The following CMYA5 variants were observed in gnomAD, a reference collection of about 807,000 sequenced individuals.
The protein encoded by CMYA5 is cardiomyopathy associated 5.
A neutral mutation model predicts 318.9 loss-of-function variants in CMYA5; 246 were observed. That is an observed-to-expected ratio of 0.77 (90% CI 0.70 to 0.86). The LOEUF is 0.86. Ranked by LOEUF, CMYA5 falls within the 40% of genes least tolerant of loss-of-function variation. The pLI is 0.00. For synonymous variants in CMYA5, 1,641 were observed against 1,729.5 expected (o/e 0.95, Z 1.27); for missense variants, 4,589 against 4,678.2 (o/e 0.98, Z 0.56).
In CMYA5 at chr5:79,743,899, G is replaced by T. The variant is rs367560528; in HGVS notation, c.10711G>T (p.Glu3571Ter). 1.4e-5 allele frequency: 22 copies of T among 1,540,694 alleles called. 1 individual carries two copies. Among genetic ancestry groups the T allele is most frequent in the Middle Eastern group, 1.7e-4 (1 of 5,952 alleles). Residue 3571 changes from glutamate to a stop codon, truncating the protein, a stop_gained, in exon 3 of 13, where the codon GAA becomes TAA. Coordinates refer to ENST00000446378, the MANE Select transcript of CMYA5 (RefSeq NM_153610.5). LOFTEE classifies it high-confidence loss of function. ...LRIEAFVSEI[E>*]SFFNTIEENC... is the part of the protein sequence containing the mutation. ...GATTGAAGCCTTTGTTAGTGAGATA[G>T]AATCCTTTTTTAATACCATTGAGGT...
chr5:79,729,156 G>C lies in CMYA5; in HGVS notation c.391G>C (p.Val131Leu). 1 of 1,612,644 alleles carries C rather than the reference G, an allele frequency of 6.2e-7. No homozygotes were observed. Among genetic ancestry groups the C allele is most frequent in the Non-Finnish European group, 8.5e-7 (1 of 1,179,422 alleles). The change falls in exon 2 of 13, where the codon GTT becomes CTT. Residue 131 changes from valine (V) to leucine (L), a missense_variant. This residue lies in a region of CMYA5 where 2,132 missense variants were observed against 2,131.3 expected (regional missense o/e 1.00). Transcript: ENST00000446378. ...CTTTATTGTGGATGAAGTGAAAAAG[G>C]TTCGGAAAAGGACTCATAAGTCAAA... ...VSFIVDEVKK[V>L]RKRTHKSKHG... is the part of the protein sequence containing the mutation.
intron 1 of CMYA5, among the ~76,000 whole-genome samples, chr5:79,721,513 T>G (rs1339365997): frequency 6.6e-6 from 1 of 152,184 alleles, no homozygotes; most frequent in Non-Finnish European, 1.5e-5. Context: ...TCAGAATGGA[T>G]TTTTTAAAAA....
At chr5:79,712,801 GA>G (rs1020784600) in intron 1 of CMYA5, among the ~76,000 whole-genome samples, 10 of 151,728 alleles carry the variant, frequency 6.6e-5, no homozygotes. Flanking sequence ...ATTGTATTAG[GA>G]AAAAAAAGTC....
chr5:79,704,988 C>T (rs1044194893), intron 1 of CMYA5, among the ~76,000 whole-genome samples: 3 of 152,194 alleles, frequency 2.0e-5, no homozygotes, highest in Non-Finnish European at 4.4e-5. Flanking sequence ...ACATTTTTCT[C>T]CTGGCTTGGC....
At chr5:79,701,846 G>C (rs1366110612) in intron 1 of CMYA5, among the ~76,000 whole-genome samples, 1 of 152,190 alleles carries the variant, frequency 6.6e-6, no homozygotes, top group Non-Finnish European at 1.5e-5. Flanking sequence ...GAGATAAAGA[G>C]GCCAGGCGTG....
At chr5:79,767,075 T>C (rs181795556) in intron 9 of CMYA5, among the ~76,000 whole-genome samples, 1 of 152,344 alleles carries the variant, frequency 6.6e-6, no homozygotes, top group Admixed American at 6.5e-5. Flanking sequence ...TCTTCTACAT[T>C]TTCAAGTTTA....
rs1322494047 is a variant in CMYA5 at position 79,720,427 on chromosome 5, AATTTTTTT to A, written c.150-8487_150-8480del. 1.9e-3 allele frequency among the ~76,000 whole-genome samples: 259 copies of A among 136,836 alleles called. 5 individuals are homozygous for A. The highest frequency in any genetic ancestry group is 6.7e-3 in the African/African-American group (230 of 34,404). 89.8% of individuals were successfully genotyped at this position (136,836 alleles called of 152,430 possible). A position where few individuals can be genotyped will look rare whatever the true frequency, so the allele number is the denominator to read the frequency against. ...CTAAGATAAAAATAACTGCCAATCTAATTTTTTTTTTTTTTTTTTTTTTTTTGAGAAGG... is the reference window on the plus strand; with the variant it reads ...CTAAGATAAAAATAACTGCCAATCTATTTTTTTTTTTTTTTTTTGAGAAGG... On this transcript the variant is annotated intron_variant, in intron 1 of 12. Transcript: ENST00000446378.
At chr5:79,767,265 C>A (rs1828772392) in intron 9 of CMYA5, among the ~76,000 whole-genome samples, 1 of 152,060 alleles carries the variant, frequency 6.6e-6, no homozygotes, top group African/African-American at 2.4e-5. Flanking sequence ...CCTGGATTCA[C>A]TGATTTTTTG....
At chr5:79,761,214 T>A (rs947746740) in intron 7 of CMYA5, among the ~76,000 whole-genome samples, 1 of 152,238 alleles carries the variant, frequency 6.6e-6, no homozygotes, top group African/African-American at 2.4e-5. Context: ...AATGTCTTAA[T>A]TGGACAAAGT....
chr5:79,693,273 G>A (rs1009797365), intron 1 of CMYA5, among the ~76,000 whole-genome samples: 2 of 151,896 alleles, frequency 1.3e-5, no homozygotes, highest in African/African-American at 4.8e-5. Flanking sequence ...GGAAGTATCT[G>A]TTCTCAACCG....
chr5:79,792,299 TA>T (rs917953565), intron 11 of CMYA5, among the ~76,000 whole-genome samples: 2 of 152,042 alleles, frequency 1.3e-5, no homozygotes, highest in African/African-American at 4.8e-5. Flanking sequence ...TTGCAGGGGC[TA>T]AAAAATATAC....
Position 79,736,583 on chromosome 5 carries a change from C to T in CMYA5, c.7818C>T (p.His2606=). The part of the protein sequence containing the change: ...EKSEAMLAEA[H]PEIREAKAVG... ...CAGAAGCCATGCTCGCAGAGGCTCA[C>T]CCAGAAATCAGAGAAGCAAAGGCAG... Residue 2606 remains histidine, a synonymous_variant, in exon 2 of 13, where the codon CAC becomes CAT. Transcript: ENST00000446378. The T allele has an allele frequency of 1.2e-6, 2 of 1,613,702 alleles. No homozygotes were observed. Among genetic ancestry groups the T allele is most frequent in the Non-Finnish European group, 1.7e-6 (2 of 1,179,774 alleles).
intron 2 of CMYA5, among the ~76,000 whole-genome samples, chr5:79,740,719 ACT>A (rs1221508939): frequency 6.6e-6 from 1 of 151,654 alleles, no homozygotes; most frequent in African/African-American, 2.4e-5. Flanking sequence ...AGTCTTTGAG[ACT>A]CTCCTCTACC....
At chr5:79,744,061 C>T (rs1032743411) in intron 3 of CMYA5, 139 bp downstream of exon 3, 9 of 510,376 alleles carry the variant, frequency 1.8e-5, no homozygotes, top group East Asian at 9.6e-5. Flanking sequence ...CCATTCAAAG[C>T]GAGAATGCTT....
intron 1 of CMYA5, among the ~76,000 whole-genome samples, chr5:79,703,037 A>G (rs183959904): frequency 7.2e-5 from 11 of 152,324 alleles, no homozygotes; most frequent in Admixed American, 5.9e-4. Context: ...AGGCCCCCCA[A>G]GGTGGGGAAT....
In CMYA5 at chr5:79,739,346, T is replaced by C; in HGVS notation, c.10581T>C (p.Phe3527=). Residue 3527 remains phenylalanine (F), a synonymous_variant, in exon 2 of 13, where the codon TTT becomes TTC. Transcript: ENST00000446378. The part of the protein sequence containing the change: ...KCPISATDKV[F]GTHKDHEVST... ...CAATTTCTGCCACTGACAAGGTGTT[T>C]GGCACCCACAAAGACCATGAAGTTT... The C allele has an allele frequency of 6.4e-7, 1 of 1,569,830 alleles. No individual in the cohort carries two copies. The highest frequency in any genetic ancestry group is 1.4e-5 in the African/African-American group (1 of 73,880).
Position 79,737,172 on chromosome 5 carries a change from AAG to A in CMYA5, c.8410_8411del (p.Ser2804LeufsTer25), listed in dbSNP as rs1416115506. On this transcript the variant is annotated frameshift_variant, in exon 2 of 13. Coordinates refer to ENST00000446378, the MANE Select transcript of CMYA5 (RefSeq NM_153610.5). LOFTEE classifies it high-confidence loss of function. ...RTLARPFDETKSSETPPYLLS... is the reference protein window; with the variant it reads ...RTLARPFDETXSSETPPYLLS... ...TTTAGCTCGTCCTTTTGATGAAACT[AAG>A]AGCTCAGAAACACCGCCATATTTGC... 1 of 1,612,966 alleles carries A rather than the reference AAG, an allele frequency of 6.2e-7. No homozygotes were observed. The highest frequency in any genetic ancestry group is 8.5e-7 in the Non-Finnish European group (1 of 1,179,646).
rs1827365549 is a variant in CMYA5, at chr5:79,710,309, A to C, written c.150-18606A>C. Among the ~76,000 whole-genome samples the C allele has an allele frequency of 5.9e-5, 9 of 152,304 alleles. 1 individual carries two copies. The South Asian group carries it at 1.4e-3, about 25-fold the overall frequency. ...ATTACGATTTTTAGATGAATTAATA[A>C]AAATTTTAAAAGTTCTGTTTTAATT... On this transcript the variant is annotated intron_variant, in intron 1 of 12. Transcript: ENST00000446378.
chr5:79,751,583 A>T (rs1828430721), intron 5 of CMYA5, among the ~76,000 whole-genome samples: 1 of 152,126 alleles, frequency 6.6e-6, no homozygotes, highest in Non-Finnish European at 1.5e-5. Flanking sequence ...CTGACCATAA[A>T]TCCACCATCA....
Sources: allele counts gnomAD v4.1 joint callset (sites outside exome capture counted in the v4.1 genomes callset), GRCh38; gene constraint gnomAD v4.1.1; regional missense constraint gnomAD v4.1.1; transcripts MANE v1.5; gene names NCBI Gene and HGNC (gene_info 2026-07-23, HGNC 2026-07-21).